The following FARP2 variants were observed in gnomAD, a reference collection of about 807,000 sequenced individuals.
The protein encoded by FARP2 is FERM, ARHGEF and pleckstrin domain-containing protein 2.
FARP2 carries 111 observed loss-of-function variants against 130.5 expected under a neutral mutation model. That is an observed-to-expected ratio of 0.85 (90% CI 0.73 to 1.00). The LOEUF is 1.00. Ranked by LOEUF, FARP2 falls within the 50% of genes least tolerant of loss-of-function variation. The pLI is 0.00. For missense variants in FARP2, 1,385 were observed against 1,346.3 expected, an observed-to-expected ratio of 1.03 and a Z score of -0.45; for synonymous variants, 504 against 516.9, an observed-to-expected ratio of 0.98 and a Z score of 0.34.
At chr2:241,449,280 G>A (rs1407881991) in intron 13 of FARP2, among the ~76,000 whole-genome samples, 9 of 151,256 alleles carry the variant, frequency 6.0e-5, no homozygotes, top group Non-Finnish European at 1.3e-4. Context: ...GGGCAATATA[G>A]CGAGACCCGG....
intron 22 of FARP2, among the ~76,000 whole-genome samples, chr2:241,490,801 G>T (rs1443538085): frequency 6.6e-6 from 1 of 152,216 alleles, no homozygotes; most frequent in Non-Finnish European, 1.5e-5. Flanking sequence ...TACCCCTGCA[G>T]ACCCCCTGTT....
At chr2:241,454,435 G>C (rs1440603542) in intron 13 of FARP2, among the ~76,000 whole-genome samples, 1 of 152,190 alleles carries the variant, frequency 6.6e-6, no homozygotes, top group African/African-American at 2.4e-5. Context: ...ATAGACACTA[G>C]TAGCTTCTAG....
intron 12 of FARP2, among the ~76,000 whole-genome samples, chr2:241,437,648 A>ATATTTATT (rs546520221): frequency 0.013 from 1,803 of 139,522 alleles, 34 homozygotes; most frequent in East Asian, 0.056. Context: ...ACATATATAT[A>ATATTTATT]TATTTATTTA....
At chr2:241,405,673 C>T (rs1400562295) in intron 4 of FARP2, among the ~76,000 whole-genome samples, 1 of 152,084 alleles carries the variant, frequency 6.6e-6, no homozygotes, top group East Asian at 1.9e-4. Context: ...GGGGCTCATG[C>T]CTGTAATCTT....
At chr2:241,492,847 G>C (rs2064977010) in intron 24 of FARP2, 82 bp from the exon 25 acceptor site, 1 of 778,948 alleles carries the variant, frequency 1.3e-6, no homozygotes, top group African/African-American at 1.7e-5. Flanking sequence ...GCATGCAGAG[G>C]CTTAGTCTTG....
At chr2:241,446,977 T>C (rs1559779067) in intron 13 of FARP2, 1 of 152,240 alleles carries the variant, frequency 6.6e-6, no homozygotes, top group Non-Finnish European at 1.5e-5. Context: ...GAAATTTCCT[T>C]ATACATTTGA....
chr2:241,479,664 T>C (rs2064565625), intron 19 of FARP2, among the ~76,000 whole-genome samples: 2 of 152,254 alleles, frequency 1.3e-5, no homozygotes, highest in South Asian at 2.1e-4. Flanking sequence ...CCAGTGCTTA[T>C]ACTCTGGAAG....
chr2:241,447,485 A>AC (rs1258816387), intron 13 of FARP2, among the ~76,000 whole-genome samples: 2 of 152,114 alleles, frequency 1.3e-5, no homozygotes, highest in African/African-American at 4.8e-5. Context: ...GGCCCCCACC[A>AC]CACCCCACGG....
At chr2:241,493,967 A>G in intron 26 of FARP2, 41 bp from the exon 27 acceptor site, 1 of 1,231,632 alleles carries the variant, frequency 8.1e-7, no homozygotes, top group Non-Finnish European at 1.1e-6. Flanking sequence ...GTGTCTGAGC[A>G]CAAGATGGCT....
At chr2:241,463,732 A>G in intron 16 of FARP2, 167 bp from the exon 17 acceptor site, 1 of 689,696 alleles carries the variant, frequency 1.4e-6, no homozygotes, top group East Asian at 2.7e-5. Context: ...CCAGACACAT[A>G]ATAGCAGCTT....
chr2:241,383,164 C>G (rs1010320737), intron 2 of FARP2, among the ~76,000 whole-genome samples: 7 of 152,250 alleles, frequency 4.6e-5, no homozygotes, highest in Non-Finnish European at 1.0e-4. Flanking sequence ...GTGCACCACC[C>G]TCTGCCGTCG....
chr2:241,386,757 A>ACAGAGGGAGTTT (rs1179985952), intron 2 of FARP2: 2 of 152,226 alleles, frequency 1.3e-5, no homozygotes, highest in Non-Finnish European at 2.9e-5. Flanking sequence ...TATCTTACAA[A>ACAGAGGGAGTTT]CAGAGGGAGT....
intron 2 of FARP2, among the ~76,000 whole-genome samples, chr2:241,396,928 C>T (rs1340533170): frequency 6.6e-6 from 1 of 152,140 alleles, no homozygotes; most frequent in Non-Finnish European, 1.5e-5. Context: ...AGACTTGGAA[C>T]CAACCCAAAT....
chr2:241,377,355 GAC>G (rs766821996), intron 2 of FARP2, among the ~76,000 whole-genome samples: 17 of 134,786 alleles, frequency 1.3e-4, no homozygotes, highest in Non-Finnish European at 2.2e-4. Context: ...TTTTTTTTGA[GAC>G]AGAGTCTCGC....
At chr2:241,491,715 A>C in intron 24 of FARP2, 36 bp downstream of exon 24, 1 of 1,555,480 alleles carries the variant, frequency 6.4e-7, no homozygotes, top group Non-Finnish European at 8.7e-7. Flanking sequence ...GTGCATCTGG[A>C]ATGTTCCCAG....
Position 241,491,585 on chromosome 2 carries a change from A to AGG in FARP2, c.2696_2697dup (p.His900GlyfsTer39). The AGG allele has an allele frequency of 6.2e-7, 1 of 1,613,838 alleles. No individual in the cohort carries two copies. The highest frequency in any genetic ancestry group is 8.5e-7 in the Non-Finnish European group (1 of 1,180,002). ...GCTCGGGGTGTCCGCAGCTCCCTGG[A>AGG]GGGGCATGGCCAGCACCGGGCCAAC... is the stretch of plus-strand genomic sequence containing the variant. On this transcript the variant is annotated frameshift_variant, in exon 24 of 27. Coordinates refer to ENST00000264042, the MANE Select transcript of FARP2 (RefSeq NM_014808.4). LOFTEE classifies it high-confidence loss of function.
intron 2 of FARP2, among the ~76,000 whole-genome samples, chr2:241,379,045 G>T (rs2061602985): frequency 6.6e-6 from 1 of 152,170 alleles, no homozygotes; most frequent in Non-Finnish European, 1.5e-5. Context: ...AAGTCATCGG[G>T]TAGAAATACT....
intron 1 of FARP2, among the ~76,000 whole-genome samples, chr2:241,361,638 G>T (rs762727605): frequency 6.6e-6 from 1 of 152,192 alleles, no homozygotes; most frequent in Non-Finnish European, 1.5e-5. Flanking sequence ...CTTGGAAGGA[G>T]TTGGTGCAAG....
intron 5 of FARP2, among the ~76,000 whole-genome samples, chr2:241,410,741 T>C (rs1574766081): frequency 1.3e-5 from 2 of 152,174 alleles, no homozygotes; most frequent in South Asian, 4.1e-4. Flanking sequence ...ATTTCTTTTT[T>C]TTATTGTTCA....
Sources: gnomAD v4.1 joint callset for allele counts (sites outside exome capture counted in the v4.1 genomes callset) on GRCh38, gnomAD v4.1.1 for gene constraint, MANE v1.5 for transcripts, NCBI Gene and HGNC (gene_info 2026-07-23, HGNC 2026-07-21) for gene names.